Variants in AP3B2 observed in about 807,000 individuals in gnomAD.
AP3B2 encodes the protein adaptor related protein complex 3 subunit beta 2.
A neutral mutation model predicts 126.9 loss-of-function variants in AP3B2; 50 were observed. The ratio of observed to expected loss-of-function variants is 0.39; its 90% confidence interval spans 0.31 to 0.50. The LOEUF is 0.50. AP3B2 is among the 20% of genes least tolerant of loss of function. The pLI is 0.79. For missense variants in AP3B2, 1,177 were observed against 1,426.4 expected, an observed-to-expected ratio of 0.83 and a Z score of 2.82; for synonymous variants, 541 against 565.0, an observed-to-expected ratio of 0.96 and a Z score of 0.60.
intron 1 of AP3B2, chr15:82,690,021 T>C (rs898582930): frequency 6.5e-6 from 1 of 153,562 alleles, no homozygotes; most frequent in Non-Finnish European, 1.4e-5. Flanking sequence ...GAGACTACCA[T>C]GTGAAGGCAG....
intron 1 of AP3B2, chr15:82,697,902 G>A (rs1471779105): frequency 6.6e-6 from 1 of 152,438 alleles, no homozygotes; most frequent in African/African-American, 2.4e-5. Flanking sequence ...GTGGGTAGGA[G>A]GCTGAGCTCA....
At chr15:82,661,754 A>G (rs2047953484) in intron 25 of AP3B2, 71 bp downstream of exon 25, 3 of 1,305,682 alleles carry the variant, frequency 2.3e-6, no homozygotes, top group South Asian at 1.3e-5. Flanking sequence ...CATTCTCCCT[A>G]CCATCCAAGC....
In AP3B2 at chr15:82,662,052, C is replaced by T. The variant is rs1393030910; in HGVS notation, c.2918+116G>A. 3.1e-6 allele frequency: 4 copies of T among 1,298,092 alleles called. No homozygotes were observed. In the African/African-American group the frequency reaches 5.9e-5, roughly 19 times the overall value. The allele number at this position is 1,298,092 out of a possible 1,614,324, so 80.4% of individuals were successfully genotyped here. A position where few individuals can be genotyped will look rare whatever the true frequency, so the allele number is the denominator to read the frequency against. ...CAGGAATGAGGGCCTGAGATGGCTT[C>T]CAGACCCACCCAATCATGATGTATC... On this transcript the variant is annotated intron_variant, in intron 24 of 26. Coordinates refer to ENST00000535359, the MANE Select transcript of AP3B2 (RefSeq NM_001278512.2).
chr15:82,695,776 G>A (rs1039015818), intron 1 of AP3B2, among the ~76,000 whole-genome samples: 30 of 152,228 alleles, frequency 2.0e-4, no homozygotes, highest in Non-Finnish European at 5.9e-5. Flanking sequence ...CAGTTGGTCA[G>A]AAGTATAGCT....
intron 1 of AP3B2, among the ~76,000 whole-genome samples, chr15:82,695,808 G>A (rs1423424505): frequency 6.6e-6 from 1 of 152,160 alleles, no homozygotes. Context: ...ACTTGGAATT[G>A]GCATCTGAAG....
chr15:82,694,593 G>T (rs1217657172), intron 1 of AP3B2, among the ~76,000 whole-genome samples: 1 of 151,992 alleles, frequency 6.6e-6, no homozygotes, highest in African/African-American at 2.4e-5. Flanking sequence ...GCTGAAGTGG[G>T]AGGATCGCTT....
At chr15:82,662,348 C>G in intron 23 of AP3B2, 96 bp from the exon 24 acceptor site, 1 of 937,828 alleles carries the variant, frequency 1.1e-6, no homozygotes, top group Non-Finnish European at 1.7e-6. Context: ...TCCACTGTCA[C>G]AGCTGACCAG....
intron 14 of AP3B2, among the ~76,000 whole-genome samples, chr15:82,674,142 C>T (rs928370906): frequency 6.6e-5 from 10 of 152,300 alleles, no homozygotes; most frequent in East Asian, 1.9e-4. Flanking sequence ...TCTGGCATGC[C>T]GTGGGCCCAT....
intron 1 of AP3B2, among the ~76,000 whole-genome samples, chr15:82,700,547 C>T (rs1210899791): frequency 1.3e-5 from 2 of 151,088 alleles, no homozygotes; most frequent in African/African-American, 4.9e-5. Context: ...TACAGGCATA[C>T]ACCACCACAC....
At chr15:82,669,145 G>A (rs2048107481) in intron 14 of AP3B2, among the ~76,000 whole-genome samples, 1 of 152,102 alleles carries the variant, frequency 6.6e-6, no homozygotes, top group African/African-American at 2.4e-5. Context: ...TAACCAACAG[G>A]ATATGGCAAA....
intron 14 of AP3B2, among the ~76,000 whole-genome samples, chr15:82,671,671 G>A (rs1279221821): frequency 6.6e-6 from 1 of 151,872 alleles, no homozygotes; most frequent in East Asian, 1.9e-4. Flanking sequence ...CACCCAGGAG[G>A]CAGAGGTTGC....
intron 1 of AP3B2, chr15:82,692,095 G>T: frequency 6.7e-7 from 1 of 1,494,862 alleles, no homozygotes; most frequent in Non-Finnish European, 9.2e-7. Flanking sequence ...CCCACCACGG[G>T]GCCACCCACC....
At position 82,665,341 on chromosome 15, in the gene AP3B2, G is replaced by C; in HGVS notation, c.1972-38C>G. Reference sequence around the variant, plus strand: ...GGGAGGGTGTTAGGAGGGCTGGGCCGGCACTGCCAGGGCTCCCTACTGTCT... The same window carrying C: ...GGGAGGGTGTTAGGAGGGCTGGGCCCGCACTGCCAGGGCTCCCTACTGTCT... On this transcript the variant is annotated intron_variant, in intron 16 of 26. Transcript: ENST00000535359. The surrounding 1 kb of genome is among the most constrained non-coding windows in gnomAD (Gnocchi z 4.4). 9 of 1,585,064 alleles carry C rather than the reference G, an allele frequency of 5.7e-6. No homozygotes were observed. The South Asian group carries it at 6.7e-5, about 12-fold the overall frequency.
At chr15:82,695,348 C>T (rs2048615874) in intron 1 of AP3B2, among the ~76,000 whole-genome samples, 1 of 152,114 alleles carries the variant, frequency 6.6e-6, no homozygotes, top group Admixed American at 6.5e-5. Context: ...ATCCACCCGC[C>T]TTGGCCTCCA....
chr15:82,709,145 A>G (rs1379945004), intron 1 of AP3B2, among the ~76,000 whole-genome samples: 2 of 152,134 alleles, frequency 1.3e-5, no homozygotes, highest in African/African-American at 4.8e-5. Context: ...AGCAGGGCCA[A>G]GCTGGGAGGC....
In AP3B2 at chr15:82,681,639, G is replaced by A. The variant is rs1045738677; in HGVS notation, c.361-59C>T. ...GGCACCAGGTGCCCTGATGGGGGGAGGCCACACCTTTGGAAGTCACTGTCC... is the reference window on the plus strand; with the variant it reads ...GGCACCAGGTGCCCTGATGGGGGGAAGCCACACCTTTGGAAGTCACTGTCC... On this transcript the variant is annotated intron_variant, in intron 4 of 26. Coordinates refer to ENST00000535359, the MANE Select transcript of AP3B2 (RefSeq NM_001278512.2). The surrounding 1 kb of genome is among the most constrained non-coding windows in gnomAD (Gnocchi z 4.0). 22 of 1,562,012 alleles carry A rather than the reference G, an allele frequency of 1.4e-5. No individual in the cohort carries two copies. In the African/African-American group the frequency reaches 2.4e-4, roughly 17 times the overall value.
chr15:82,680,113 G>T lies in AP3B2; in HGVS notation c.1110+62C>A. On this transcript the variant is annotated intron_variant, in intron 9 of 26. Transcript: ENST00000535359. This position sits in a 1 kb window ranked among gnomAD's most constrained non-coding sequence, Gnocchi z 6.1. ...CGGCCCCGGTCCCAGCCCCGACAAC[G>T]CCTCCAGTGCCCGCAGAAGCGGCCC... 2 of 1,602,016 alleles carry T rather than the reference G, an allele frequency of 1.2e-6. No homozygotes were observed. The highest frequency in any genetic ancestry group is 1.7e-6 in the Non-Finnish European group (2 of 1,173,236).
chr15:82,680,392 G>A lies in AP3B2; in HGVS notation c.1055+80C>T, dbSNP rs1427276889. ...TGGGCAGAGGTGGAAGCGGCTGGTGGGCGTGAGGGGGCGGAGCCGGGCAGC... is the reference window on the plus strand; with the variant it reads ...TGGGCAGAGGTGGAAGCGGCTGGTGAGCGTGAGGGGGCGGAGCCGGGCAGC... On this transcript the variant is annotated intron_variant, in intron 8 of 26. Coordinates refer to ENST00000535359, the MANE Select transcript of AP3B2 (RefSeq NM_001278512.2). The surrounding 1 kb of genome is among the most constrained non-coding windows in gnomAD (Gnocchi z 6.1). 4.1e-6 allele frequency: 6 copies of A among 1,447,562 alleles called. No individual in the cohort carries two copies. Among genetic ancestry groups the A allele is most frequent in the Non-Finnish European group, 5.5e-6 (6 of 1,094,314 alleles). The allele number at this position is 1,447,562 out of a possible 1,614,324, so 89.7% of individuals were successfully genotyped here. A position where few individuals can be genotyped will look rare whatever the true frequency, so the allele number is the denominator to read the frequency against.
At chr15:82,663,032 C>A in intron 22 of AP3B2, 95 bp downstream of exon 22, 1 of 1,484,126 alleles carries the variant, frequency 6.7e-7, no homozygotes, top group East Asian at 2.4e-5. Context: ...ATCACATCCT[C>A]CATCACACCC....
Sources: gnomAD v4.1 joint callset for allele counts (sites outside exome capture counted in the v4.1 genomes callset) on GRCh38, gnomAD v4.1.1 for gene constraint, Gnocchi (gnomAD v3.1) non-coding constraint, MANE v1.5 for transcripts, NCBI Gene and HGNC (gene_info 2026-07-23, HGNC 2026-07-21) for gene names.